The following C9orf153 variants were observed in gnomAD, a reference collection of about 807,000 sequenced individuals.
The protein encoded by C9orf153 is chromosome 9 open reading frame 153, also known as uncharacterized protein C9orf153.
Under a neutral mutation model 9.0 loss-of-function variants are expected in C9orf153, and 10 were observed. The ratio of observed to expected loss-of-function variants is 1.11; its 90% CI spans 0.69 to 1.89. C9orf153 has a LOEUF of 1.89. C9orf153 is among the 40% of genes most tolerant of loss of function. The probability of loss-of-function intolerance (pLI) is 0.00; values close to 1 mark genes in which losing one functional copy is unlikely to be tolerated. For synonymous variants in C9orf153, 35 were observed against 37.3 expected (o/e 0.94, Z 0.23); for missense variants, 108 against 111.0 (o/e 0.97, Z 0.12).
At chr9:86,245,701 A>C (rs932126382) in intron 1 of C9orf153, among the ~76,000 whole-genome samples, 1 of 152,158 alleles carries the variant, frequency 6.6e-6, no homozygotes, top group Admixed American at 6.5e-5. Flanking sequence ...TCCTATTTTT[A>C]GTGTCACCTG....
chr9:86,227,768 T>C (rs1417780864), intron 3 of C9orf153, 87 bp downstream of exon 3: 1 of 1,502,898 alleles, frequency 6.7e-7, no homozygotes, highest in Non-Finnish European at 8.8e-7. Context: ...GGAGAGCCTC[T>C]CCATGGGAGA....
chr9:86,249,729 T>G (rs907810967), intron 1 of C9orf153, among the ~76,000 whole-genome samples: 1 of 152,120 alleles, frequency 6.6e-6, no homozygotes, highest in African/African-American at 2.4e-5. Context: ...TTCTTTATAG[T>G]AAAGATAGGG....
intron 1 of C9orf153, among the ~76,000 whole-genome samples, chr9:86,259,006 C>G (rs1472148891): frequency 6.6e-6 from 1 of 151,074 alleles, no homozygotes; most frequent in African/African-American, 2.4e-5. Flanking sequence ...CATATATCCA[C>G]TTTGATAGTA....
chr9:86,224,810 G>A (rs1236534329), intron 3 of C9orf153, among the ~76,000 whole-genome samples: 1 of 151,190 alleles, frequency 6.6e-6, no homozygotes, highest in Non-Finnish European at 1.5e-5. Context: ...TTGGTGGTGG[G>A]CACCTGTAGT....
Position 86,221,631 on chromosome 9 carries a change from T to C in C9orf153, c.*57A>G. ...GCTCTCTACAAATCTCTTCTCAGTG[T>C]TGTATTTTATGTCTCCGAATGAAAT... On this transcript the variant is annotated 3_prime_UTR_variant, in exon 4 of 4. Coordinates refer to ENST00000339137, the MANE Select transcript of C9orf153 (RefSeq NM_001276366.4). 1 of 1,541,240 alleles carries C rather than the reference T, an allele frequency of 6.5e-7. No individual in the cohort carries two copies. Among genetic ancestry groups the C allele is most frequent in the Non-Finnish European group, 8.7e-7 (1 of 1,142,924 alleles).
intron 1 of C9orf153, among the ~76,000 whole-genome samples, chr9:86,235,380 G>T (rs1378954874): frequency 2.0e-5 from 3 of 152,196 alleles, no homozygotes; most frequent in Non-Finnish European, 4.4e-5. Context: ...CCATTGATGG[G>T]CTCATTAGTA....
chr9:86,247,091 T>A (rs920960019), intron 1 of C9orf153, among the ~76,000 whole-genome samples: 2 of 152,194 alleles, frequency 1.3e-5, no homozygotes, highest in African/African-American at 4.8e-5. Context: ...TGTCAGGACA[T>A]CTGGTAGGAC....
At chr9:86,257,204 A>G (rs1825138399) in intron 1 of C9orf153, among the ~76,000 whole-genome samples, 1 of 152,120 alleles carries the variant, frequency 6.6e-6, no homozygotes, top group Non-Finnish European at 1.5e-5. Context: ...TACTTATATT[A>G]ATTTTGCCTT....
chr9:86,240,377 CTTTTTTT>C (rs34559572), intron 1 of C9orf153, among the ~76,000 whole-genome samples: 11 of 135,904 alleles, frequency 8.1e-5, no homozygotes, highest in Middle Eastern at 7.8e-3. Context: ...TCTTCTTTTC[CTTTTTTT>C]TTTTTTTTTG....
At chr9:86,240,105 T>A (rs1824697825) in intron 1 of C9orf153, among the ~76,000 whole-genome samples, 1 of 152,224 alleles carries the variant, frequency 6.6e-6, no homozygotes, top group Non-Finnish European at 1.5e-5. Context: ...ATCATATGGT[T>A]CTAAGAACTT....
intron 1 of C9orf153, among the ~76,000 whole-genome samples, chr9:86,251,635 T>A (rs573696613): frequency 1.3e-5 from 2 of 152,100 alleles, no homozygotes; most frequent in African/African-American, 4.8e-5. Context: ...AAGTTTTTTT[T>A]AATTAAAGGA....
At chr9:86,238,397 T>C (rs1187448139) in intron 1 of C9orf153, among the ~76,000 whole-genome samples, 1 of 152,158 alleles carries the variant, frequency 6.6e-6, no homozygotes, top group African/African-American at 2.4e-5. Flanking sequence ...AAAACACACA[T>C]GAATTAATTT....
chr9:86,247,838 C>G (rs1487374687), intron 1 of C9orf153, among the ~76,000 whole-genome samples: 1 of 152,196 alleles, frequency 6.6e-6, no homozygotes, highest in Non-Finnish European at 1.5e-5. Context: ...AACATAGTCT[C>G]TCTTTTTTGT....
chr9:86,243,951 C>A (rs1026263504), intron 1 of C9orf153, among the ~76,000 whole-genome samples: 1 of 152,192 alleles, frequency 6.6e-6, no homozygotes, highest in Non-Finnish European at 1.5e-5. Flanking sequence ...GCCATCCATT[C>A]ACCTTATATA....
intron 1 of C9orf153, among the ~76,000 whole-genome samples, chr9:86,239,247 G>A (rs1291361703): frequency 6.2e-5 from 9 of 146,124 alleles, no homozygotes; most frequent in Admixed American, 5.3e-4. Flanking sequence ...GCGACAGAGT[G>A]AGACTCTGTT....
At chr9:86,258,169 C>T (rs1825165180) in intron 1 of C9orf153, among the ~76,000 whole-genome samples, 1 of 151,940 alleles carries the variant, frequency 6.6e-6, no homozygotes, top group South Asian at 2.1e-4. Context: ...CGGTGAAACC[C>T]TGTCTCTACT....
intron 3 of C9orf153, among the ~76,000 whole-genome samples, chr9:86,226,990 T>C (rs1282319918): frequency 6.6e-6 from 1 of 152,188 alleles, no homozygotes; most frequent in Non-Finnish European, 1.5e-5. Context: ...GGTCCCGAAC[T>C]CCTGACCTCA....
chr9:86,255,397 C>G (rs7045729), intron 1 of C9orf153, among the ~76,000 whole-genome samples: 146,728 of 152,296 alleles, frequency 0.96, 70,738 homozygotes, highest in East Asian at 1. Context: ...GCATCGTACA[C>G]AATCTGCCTT....
At chr9:86,258,341 CAAAAAAAAA>C (rs11379277) in intron 1 of C9orf153, 1 of 111,814 alleles carries the variant, frequency 8.9e-6, no homozygotes, top group Non-Finnish European at 1.8e-5. Context: ...GACTTTGTCT[CAAAAAAAAA>C]AAAAAAAAAA....
Sources: allele counts gnomAD v4.1 joint callset (sites outside exome capture counted in the v4.1 genomes callset), GRCh38; gene constraint gnomAD v4.1.1; transcripts MANE v1.5; gene names NCBI Gene and HGNC (gene_info 2026-07-23, HGNC 2026-07-21).